The following AFF4 variants were observed in gnomAD, a reference collection of about 807,000 sequenced individuals.
AFF4 encodes the protein AF4/FMR2 family member 4.
A neutral mutation model predicts 124.8 loss-of-function variants in AFF4; 13 were observed. The observed-to-expected ratio is 0.10, with a 90% confidence interval of 0.07 to 0.17. The LOEUF (loss-of-function observed/expected upper bound fraction) is 0.17, where lower values mean the gene tolerates loss of function less well. Ranked by LOEUF, AFF4 falls within the 10% of genes least tolerant of loss-of-function variation. The probability of loss-of-function intolerance (pLI) is 1.00; values close to 1 mark genes in which losing one functional copy is unlikely to be tolerated. For synonymous variants in AFF4, 477 were observed against 496.1 expected (o/e 0.96, Z 0.51); for missense variants, 1,092 against 1,403.8 (o/e 0.78, Z 3.55).
rs530193196 is a variant in AFF4, at chr5:132,878,347, G to A, written c.*2712C>T. On this transcript the variant is annotated 3_prime_UTR_variant, in exon 21 of 21. Coordinates refer to ENST00000265343, the MANE Select transcript of AFF4 (RefSeq NM_014423.4). ...GTAGTCATAAAGAGCAGTCAACAGAGTAACTGTTTAAAATAGTTGTTGTTT... is the reference window on the plus strand; with the variant it reads ...GTAGTCATAAAGAGCAGTCAACAGAATAACTGTTTAAAATAGTTGTTGTTT... 8 of 230,596 alleles carry A rather than the reference G, an allele frequency of 3.5e-5. No homozygotes were observed. The highest frequency in any genetic ancestry group is 1.7e-4 in the Admixed American group (3 of 17,712). 14.3% of individuals were successfully genotyped at this position (230,596 alleles called of 1,614,324 possible).
At chr5:132,951,895 T>C (rs1028954866) in intron 1 of AFF4, among the ~76,000 whole-genome samples, 2 of 152,250 alleles carry the variant, frequency 1.3e-5, no homozygotes, top group Admixed American at 1.3e-4. Context: ...TTGTTTTGCA[T>C]ATTTCTTCAA....
At chr5:132,950,156 C>T (rs574891489) in intron 1 of AFF4, among the ~76,000 whole-genome samples, 1 of 151,634 alleles carries the variant, frequency 6.6e-6, no homozygotes, top group South Asian at 2.1e-4. Context: ...ATGGTGAAAC[C>T]CCATCTCAAC....
In AFF4 at chr5:132,880,747, TTAAAA is replaced by T. The variant is rs1373262198; in HGVS notation, c.*307_*311del. On this transcript the variant is annotated 3_prime_UTR_variant, in exon 21 of 21. Coordinates refer to ENST00000265343, the MANE Select transcript of AFF4 (RefSeq NM_014423.4). ...GCCCCAATCTGGGAACTTAAAAAAA[TTAAAA>T]TAAATAAAATTTCAATTCATTAGTT... The T allele has an allele frequency of 2.4e-5, 7 of 288,682 alleles. No individual in the cohort carries two copies. The highest frequency in any genetic ancestry group is 1.1e-4 in the African/African-American group (5 of 46,940). The allele number at this position is 288,682 out of a possible 1,614,324, so 17.9% of individuals were successfully genotyped here.
At chr5:132,933,577 T>C (rs953615827) in intron 3 of AFF4, among the ~76,000 whole-genome samples, 1 of 152,156 alleles carries the variant, frequency 6.6e-6, no homozygotes, top group Non-Finnish European at 1.5e-5. Context: ...TATTTCACAA[T>C]GAAATGTTCC....
Position 132,925,842 on chromosome 5 carries a change from G to A in AFF4, c.1050+1279C>T, listed in dbSNP as rs959869419. Among the ~76,000 whole-genome samples the A allele has an allele frequency of 4.6e-5, 7 of 152,304 alleles. No homozygotes were observed. In the East Asian group the frequency reaches 9.6e-4, roughly 21 times the overall value. On this transcript the variant is annotated intron_variant, in intron 5 of 20. Transcript: ENST00000265343. ...TAATAGAACTATGGAAGGAATTTGT[G>A]AGTGTATGTATTAAATATATACTCT...
In AFF4 at chr5:132,957,637, G is replaced by C. The variant is rs980456528; in HGVS notation, c.-5+5622C>G. On this transcript the variant is annotated intron_variant, in intron 1 of 20. Coordinates refer to ENST00000265343, the MANE Select transcript of AFF4 (RefSeq NM_014423.4). ...AGACCCCAGCTACTCAGGAGGCTGG[G>C]GCAGGACTGCTTGAAATCCAGGAAG... Among the ~76,000 whole-genome samples, 46 of 151,944 alleles carry C rather than the reference G, an allele frequency of 3.0e-4. 1 individual carries two copies. Among genetic ancestry groups the C allele is most frequent in the African/African-American group, 9.4e-4 (39 of 41,368 alleles).
At chr5:132,936,301 C>T (rs540015716) in intron 2 of AFF4, among the ~76,000 whole-genome samples, 2 of 147,606 alleles carry the variant, frequency 1.4e-5, no homozygotes, top group Non-Finnish European at 3.0e-5. Context: ...AAATTAACTT[C>T]CACAGTCCAG....
At chr5:132,903,205 C>T (rs1432696299) in intron 6 of AFF4, among the ~76,000 whole-genome samples, 1 of 152,188 alleles carries the variant, frequency 6.6e-6, no homozygotes, top group Non-Finnish European at 1.5e-5. Context: ...CTATTTTCTG[C>T]ATTTTAACAT....
At chr5:132,890,836 G>C (rs887026593) in intron 13 of AFF4, among the ~76,000 whole-genome samples, 1 of 151,648 alleles carries the variant, frequency 6.6e-6, no homozygotes, top group Non-Finnish European at 1.5e-5. Flanking sequence ...GTTAAGCACC[G>C]GATAAAACAC....
intron 11 of AFF4, 134 bp from the exon 12 acceptor site, chr5:132,893,252 A>C: frequency 4.0e-6 from 3 of 744,386 alleles, no homozygotes; most frequent in Non-Finnish European, 6.7e-6. Flanking sequence ...TAATTCATTT[A>C]AATAATATTC....
At position 132,880,444 on chromosome 5, in the gene AFF4, G is replaced by C. The variant is rs532505273; in HGVS notation, c.*615C>G. Reference sequence around the variant, plus strand: ...TAGAATGCCATTTTCTCATATTTAAGTGATTTTTTCATGTGTAGAAGAATA... The same window carrying C: ...TAGAATGCCATTTTCTCATATTTAACTGATTTTTTCATGTGTAGAAGAATA... On this transcript the variant is annotated 3_prime_UTR_variant, in exon 21 of 21. Coordinates refer to ENST00000265343, the MANE Select transcript of AFF4 (RefSeq NM_014423.4). The C allele has an allele frequency of 1.8e-5, 7 of 398,002 alleles. No individual in the cohort carries two copies. Among genetic ancestry groups the C allele is most frequent in the African/African-American group, 1.0e-4 (5 of 48,704 alleles). The allele number at this position is 398,002 out of a possible 1,614,324, so 24.7% of individuals were successfully genotyped here.
At chr5:132,937,245 AT>A (rs1761453778) in intron 1 of AFF4, 52 bp from the exon 2 acceptor site, 4 of 1,532,964 alleles carry the variant, frequency 2.6e-6, no homozygotes, top group Non-Finnish European at 3.5e-6. Context: ...GAAAAATTAA[AT>A]ATTCTGTACA....
Position 132,896,839 on chromosome 5 carries a change from G to A in AFF4, c.1791C>T (p.Pro597=), listed in dbSNP as rs773154498. The part of the protein sequence containing the change: ...ETPVDLASSM[P]SSRHKAATKG... ...TGGTGGCTGCTTTGTGTCTGCTGGAGGGCATGCTGCTAGCCAAGTCTACAG... is the reference window on the plus strand; with the variant it reads ...TGGTGGCTGCTTTGTGTCTGCTGGAAGGCATGCTGCTAGCCAAGTCTACAG... Residue 597 remains proline, a synonymous_variant, in exon 11 of 21, where the codon CCC becomes CCT. Coordinates refer to ENST00000265343, the MANE Select transcript of AFF4 (RefSeq NM_014423.4). 1.9e-6 allele frequency: 3 copies of A among 1,613,996 alleles called. No individual in the cohort carries two copies. Among genetic ancestry groups the A allele is most frequent in the Admixed American group, 1.7e-5 (1 of 59,986 alleles).
At chr5:132,961,609 A>C (rs1347100903) in intron 1 of AFF4, among the ~76,000 whole-genome samples, 1 of 152,240 alleles carries the variant, frequency 6.6e-6, no homozygotes. Flanking sequence ...GAATCTGACA[A>C]GTAGAAAGTG....
intron 1 of AFF4, among the ~76,000 whole-genome samples, chr5:132,947,743 C>G (rs1030654620): frequency 6.6e-6 from 1 of 152,190 alleles, no homozygotes; most frequent in Non-Finnish European, 1.5e-5. Flanking sequence ...TAGAATTTCT[C>G]TACCCATGAG....
chr5:132,934,866 C>T lies in AFF4; in HGVS notation c.199G>A (p.Gly67Arg). ...ACAAGCTTTGGTATAGATCTGTCTC[C>T]TATGAAATCCTTCATTTCATCGTAG... ...GNYDEMKDFI[G>R]DRSIPKLVAI... is the part of the protein sequence containing the mutation. The change falls in exon 3 of 21, where the codon GGA (glycine) becomes AGA (arginine). Residue 67 changes from glycine to arginine, a missense_variant. By Grantham distance (125) the Gly-to-Arg change is moderately radical (BLOSUM62 -2). Transcript: ENST00000265343. The T allele has an allele frequency of 6.2e-7, 1 of 1,613,952 alleles. No homozygotes were observed. Among genetic ancestry groups the T allele is most frequent in the African/African-American group, 1.3e-5 (1 of 74,948 alleles).
intron 5 of AFF4, among the ~76,000 whole-genome samples, chr5:132,914,769 T>C (rs1008286608): frequency 2.9e-4 from 44 of 151,850 alleles, no homozygotes; most frequent in Admixed American, 1.3e-4. Flanking sequence ...GAAAACAAAT[T>C]ACCGGAATAG....
Position 132,896,303 on chromosome 5 carries a change from A to C in AFF4, c.2307+20T>G. On this transcript the variant is annotated intron_variant, in intron 11 of 20. Transcript: ENST00000265343. Reference sequence around the variant, plus strand: ...CAGATTCTGATGTTTCAAAACAAACAACAAAAACCCTTCACAAACCTTATG... The same window carrying C: ...CAGATTCTGATGTTTCAAAACAAACCACAAAAACCCTTCACAAACCTTATG... The C allele has an allele frequency of 6.4e-7, 1 of 1,553,212 alleles. No individual in the cohort carries two copies. Among genetic ancestry groups the C allele is most frequent in the Non-Finnish European group, 8.6e-7 (1 of 1,158,722 alleles).
rs547165627 is a variant in AFF4 at position 132,912,991 on chromosome 5, C to G, written c.1051-8587G>C. The stretch of plus-strand genomic sequence containing the variant: ...TGGTCTGAACACCCTAATTAAAGAG[C>G]AGAGTGTCAGATTATATTTAAAAAG... On this transcript the variant is annotated intron_variant, in intron 5 of 20. Coordinates refer to ENST00000265343, the MANE Select transcript of AFF4 (RefSeq NM_014423.4). 2.6e-5 allele frequency among the ~76,000 whole-genome samples: 4 copies of G among 152,126 alleles called. No homozygotes were observed. In the South Asian group the frequency reaches 6.2e-4, roughly 24 times the overall value.
Sources: allele counts gnomAD v4.1 joint callset (sites outside exome capture counted in the v4.1 genomes callset), GRCh38; gene constraint gnomAD v4.1.1; transcripts MANE v1.5; gene names NCBI Gene and HGNC (gene_info 2026-07-23, HGNC 2026-07-21).